FSD1L: variants seen among roughly 807,000 people sequenced by gnomAD.
FSD1L encodes the protein FSD1-like protein.
A neutral mutation model predicts 71.6 loss-of-function variants in FSD1L; 45 were observed. The observed-to-expected ratio is 0.63, with a 90% CI of 0.49 to 0.81. FSD1L has a LOEUF of 0.81. FSD1L is among the 30% of genes least tolerant of loss of function. The pLI is 0.00. For synonymous variants in FSD1L, 197 were observed against 207.2 expected (o/e 0.95, Z 0.42); for missense variants, 561 against 618.1 (o/e 0.91, Z 0.98).
At chr9:105,528,222 A>G (rs143725190) in intron 10 of FSD1L, among the ~76,000 whole-genome samples, 1,754 of 152,350 alleles carry the variant, frequency 0.012, 17 homozygotes, top group Non-Finnish European at 0.015. Context: ...TGCTCAAAGT[A>G]ATTTATAGAT....
At chr9:105,461,044 T>C (rs1218336032) in intron 1 of FSD1L, among the ~76,000 whole-genome samples, 1 of 152,240 alleles carries the variant, frequency 6.6e-6, no homozygotes, top group Non-Finnish European at 1.5e-5. Flanking sequence ...TATCCACATA[T>C]AGCTATTATA....
At chr9:105,444,107 G>A (rs116890118), upstream of FSD1L, among the ~76,000 whole-genome samples, 135 of 152,256 alleles carry the variant, frequency 8.9e-4, no homozygotes, top group Non-Finnish European at 1.6e-3. Flanking sequence ...AGGGAAAGGG[G>A]GAGTTGTGGT....
At chr9:105,503,824 AC>A (rs1255840148) in intron 7 of FSD1L, among the ~76,000 whole-genome samples, 1 of 152,214 alleles carries the variant, frequency 6.6e-6, no homozygotes, top group Non-Finnish European at 1.5e-5. Context: ...AATTTGACAT[AC>A]CACTCTTAAA....
In FSD1L at chr9:105,510,988, CT is replaced by C. The variant is rs374059344; in HGVS notation, c.896-1805del. Among the ~76,000 whole-genome samples, 889 of 140,480 alleles carry C rather than the reference CT, an allele frequency of 6.3e-3. 3 individuals are homozygous for C. Among genetic ancestry groups the C allele is most frequent in the South Asian group, 0.016 (68 of 4,318 alleles). 92.2% of individuals were successfully genotyped at this position (140,480 alleles called of 152,430 possible). A position where few individuals can be genotyped will look rare whatever the true frequency, so the allele number is the denominator to read the frequency against. On this transcript the variant is annotated intron_variant, in intron 9 of 13. Transcript: ENST00000481272. ...ATAGGACCTCACTTTTGAGGCTAGT[CT>C]TTTTTTTTTTTTTAACTATAGAGTA...
chr9:105,476,875 T>A (rs931980329), intron 5 of FSD1L, among the ~76,000 whole-genome samples: 1 of 152,222 alleles, frequency 6.6e-6, no homozygotes. Flanking sequence ...TTGCTCAGAA[T>A]AACTTCTTAA....
chr9:105,460,325 G>T lies in FSD1L; in HGVS notation c.16-1195G>T, dbSNP rs116635887. Among the ~76,000 whole-genome samples, 108 of 152,130 alleles carry T rather than the reference G, an allele frequency of 7.1e-4. 1 individual carries two copies. Among genetic ancestry groups the T allele is most frequent in the African/African-American group, 2.6e-3 (107 of 41,492 alleles). ...TTAACTGTAATCGCTGGGAGTGGTGGCTCATCCCTGTAATCCTTGCACTTG... is the reference window on the plus strand; with the variant it reads ...TTAACTGTAATCGCTGGGAGTGGTGTCTCATCCCTGTAATCCTTGCACTTG... On this transcript the variant is annotated intron_variant, in intron 1 of 13. Coordinates refer to ENST00000481272, the MANE Select transcript of FSD1L (RefSeq NM_001145313.3).
At chr9:105,491,281 G>A (rs1209869966) in intron 7 of FSD1L, among the ~76,000 whole-genome samples, 2 of 151,132 alleles carry the variant, frequency 1.3e-5, no homozygotes, top group South Asian at 2.1e-4. Flanking sequence ...GTGAATGGGA[G>A]TTCACTCATG....
intron 7 of FSD1L, among the ~76,000 whole-genome samples, chr9:105,491,746 A>T (rs919706872): frequency 6.6e-6 from 1 of 152,114 alleles, no homozygotes; most frequent in Admixed American, 6.5e-5. Context: ...TTCTGCATCT[A>T]TTGAGATAAT....
chr9:105,506,315 A>G (rs1051782201), intron 7 of FSD1L, 84 bp from the exon 8 acceptor site: 28 of 1,025,658 alleles, frequency 2.7e-5, no homozygotes, highest in Middle Eastern at 4.1e-4. Flanking sequence ...AGCAGTTTGA[A>G]TGATATAAAT....
Position 105,448,124 on chromosome 9 carries a change from G to T in FSD1L, c.-97G>T, listed in dbSNP as rs1280124953. 1.1e-5 allele frequency: 14 copies of T among 1,305,966 alleles called. No individual in the cohort carries two copies. The African/African-American group carries it at 2.0e-4, about 18-fold the overall frequency. The allele number at this position is 1,305,966 out of a possible 1,614,324, so 80.9% of individuals were successfully genotyped here. The stretch of plus-strand genomic sequence containing the variant: ...GGCGGTGCCGGTGCGGGCTGGGGCA[G>T]TGCAGTGAGTAGCGGTCTTGGGGTG... On this transcript the variant is annotated 5_prime_UTR_variant, in exon 1 of 14. Transcript: ENST00000481272.
intron 8 of FSD1L, among the ~76,000 whole-genome samples, chr9:105,508,280 C>G (rs939887755): frequency 2.6e-5 from 4 of 151,304 alleles, no homozygotes; most frequent in Admixed American, 2.0e-4. Flanking sequence ...CCGGTTCACT[C>G]CATTCTCCTG....
intron 10 of FSD1L, chr9:105,513,727 G>A (rs1054402439): frequency 1.1e-6 from 1 of 911,168 alleles, no homozygotes; most frequent in African/African-American, 1.7e-5. Context: ...ATAAGCAGAA[G>A]CCATTGCGGC....
chr9:105,506,086 A>G (rs1406093213), intron 7 of FSD1L, among the ~76,000 whole-genome samples: 1 of 152,228 alleles, frequency 6.6e-6, no homozygotes, highest in Non-Finnish European at 1.5e-5. Flanking sequence ...TTCAGTCATT[A>G]TATTCAAAGC....
At chr9:105,529,370 A>G (rs1478236726) in intron 10 of FSD1L, among the ~76,000 whole-genome samples, 1 of 152,228 alleles carries the variant, frequency 6.6e-6, no homozygotes, top group African/African-American at 2.4e-5. Flanking sequence ...CTTGGAACCA[A>G]TTCAGATGTC....
At chr9:105,514,384 G>A (rs1249289862) in intron 10 of FSD1L, among the ~76,000 whole-genome samples, 1 of 152,134 alleles carries the variant, frequency 6.6e-6, no homozygotes, top group East Asian at 1.9e-4. Flanking sequence ...CTTGTCGAAT[G>A]TTATATGCAT....
At chr9:105,455,559 A>G (rs1830307354) in intron 1 of FSD1L, among the ~76,000 whole-genome samples, 1 of 152,124 alleles carries the variant, frequency 6.6e-6, no homozygotes, top group South Asian at 2.1e-4. Flanking sequence ...ATTTCATACA[A>G]TCCCCAACAG....
intron 7 of FSD1L, among the ~76,000 whole-genome samples, chr9:105,497,804 ATTTC>A (rs1833508025): frequency 6.6e-6 from 1 of 150,850 alleles, no homozygotes; most frequent in Non-Finnish European, 1.5e-5. Context: ...TTTTCCATTG[ATTTC>A]CCTCTTTTCA....
Position 105,484,377 on chromosome 9 carries a change from G to C in FSD1L, c.465-4G>C, listed in dbSNP as rs115279225. 6.0e-6 allele frequency: 9 copies of C among 1,496,694 alleles called. No individual in the cohort carries two copies. Among genetic ancestry groups the C allele is most frequent in the South Asian group, 1.4e-5 (1 of 72,394 alleles). The allele number at this position is 1,496,694 out of a possible 1,614,324, so 92.7% of individuals were successfully genotyped here. A position where few individuals can be genotyped will look rare whatever the true frequency, so the allele number is the denominator to read the frequency against. On this transcript the variant is annotated splice_region_variant and splice_polypyrimidine_tract_variant and intron_variant, in intron 6 of 13. Transcript: ENST00000481272. ...TTTAAAAAGTATGTTTGTGTTTACCGTAGAGTCACAATGGCTTCAGCCTTT... is the reference window on the plus strand; with the variant it reads ...TTTAAAAAGTATGTTTGTGTTTACCCTAGAGTCACAATGGCTTCAGCCTTT...
At chr9:105,466,640 C>T (rs1831093848) in intron 3 of FSD1L, among the ~76,000 whole-genome samples, 1 of 151,682 alleles carries the variant, frequency 6.6e-6, no homozygotes, top group Non-Finnish European at 1.5e-5. Context: ...TTGCAGTGAG[C>T]CGAGATCGCA....
Sources: allele counts gnomAD v4.1 joint callset (sites outside exome capture counted in the v4.1 genomes callset), GRCh38; gene constraint gnomAD v4.1.1; transcripts MANE v1.5; gene names NCBI Gene and HGNC (gene_info 2026-07-23, HGNC 2026-07-21).